The following LTV1 variants were observed in gnomAD, a reference collection of about 807,000 sequenced individuals.
LTV1 encodes protein LTV1 homolog.
In LTV1, 39 loss-of-function variants were observed where a neutral mutation model predicts 59.9. The ratio of observed to expected loss-of-function variants is 0.65; its 90% CI spans 0.50 to 0.85. The LOEUF (loss-of-function observed/expected upper bound fraction) is 0.85, where lower values mean the gene tolerates loss of function less well. Among genes scored for constraint, LTV1 ranks in the 40% least tolerant of loss-of-function variants. The pLI is 0.00. For missense variants in LTV1, 493 were observed against 549.1 expected, an observed-to-expected ratio of 0.90 and a Z score of 1.02; for synonymous variants, 171 against 189.5, an observed-to-expected ratio of 0.90 and a Z score of 0.80.
chr6:143,843,525 G>C, intron 1 of LTV1, 45 bp downstream of exon 1: 9 of 1,612,682 alleles, frequency 5.6e-6, no homozygotes, highest in Non-Finnish European at 7.6e-6. Flanking sequence ...CTGTGGTTTT[G>C]CAGAGGCCAG....
intron 4 of LTV1, among the ~76,000 whole-genome samples, chr6:143,854,888 A>G (rs967622706): frequency 6.6e-6 from 1 of 152,156 alleles, no homozygotes; most frequent in Non-Finnish European, 1.5e-5. Context: ...TTTTAGGATA[A>G]GTGCAATGTG....
Position 143,862,143 on chromosome 6 carries a change from A to G in LTV1, c.963A>G (p.Gln321=). The change falls in exon 8 of 11, where the codon CAA becomes CAG. Residue 321 remains glutamine (Q), a synonymous_variant. Coordinates refer to ENST00000367576, the MANE Select transcript of LTV1 (RefSeq NM_032860.5). This position sits in a 1 kb window ranked among gnomAD's most constrained non-coding sequence, Gnocchi z 4.2. ...ATACCCTTGAACCCTTGGAGGATCA[A>G]GACCTGCCAATGAATGAGCTTGATG... ...KLNTLEPLED[Q]DLPMNELDES... The G allele has an allele frequency of 6.2e-7, 1 of 1,614,148 alleles. No homozygotes were observed. The highest frequency in any genetic ancestry group is 8.5e-7 in the Non-Finnish European group (1 of 1,179,978).
At chr6:143,850,488 A>C (rs2128491256) in intron 4 of LTV1, among the ~76,000 whole-genome samples, 1 of 152,346 alleles carries the variant, frequency 6.6e-6, no homozygotes, top group African/African-American at 2.4e-5. Flanking sequence ...TAACCTTCAC[A>C]TAACCTCTTG....
rs1299348246 is a variant in LTV1, at chr6:143,855,177, A to C, written c.398-2126A>C. Among the ~76,000 whole-genome samples, 2 of 151,986 alleles carry C rather than the reference A, an allele frequency of 1.3e-5. No homozygotes were observed. Among genetic ancestry groups the C allele is most frequent in the African/African-American group, 4.8e-5 (2 of 41,362 alleles). On this transcript the variant is annotated intron_variant, in intron 4 of 10. Coordinates refer to ENST00000367576, the MANE Select transcript of LTV1 (RefSeq NM_032860.5). This position sits in a 1 kb window ranked among gnomAD's most constrained non-coding sequence, Gnocchi z 4.6. The stretch of plus-strand genomic sequence containing the variant: ...TAGGGTAGTTAGCTCTTCTTGTTGC[A>C]TTGTTCCCTTTACTATTATGTAATG...
intron 3 of LTV1, among the ~76,000 whole-genome samples, chr6:143,849,476 T>C (rs1014673381): frequency 6.6e-6 from 1 of 152,220 alleles, no homozygotes; most frequent in Non-Finnish European, 1.5e-5. Context: ...ATTTAAACTT[T>C]CCTAGTTTTT....
At chr6:143,856,587 CATT>C (rs1406054273) in intron 4 of LTV1, among the ~76,000 whole-genome samples, 4 of 152,258 alleles carry the variant, frequency 2.6e-5, no homozygotes, top group Non-Finnish European at 5.9e-5. Context: ...TACCTTTGGT[CATT>C]GTTGTTGGTG....
chr6:143,856,296 G>T (rs1777076170), intron 4 of LTV1, among the ~76,000 whole-genome samples: 1 of 152,136 alleles, frequency 6.6e-6, no homozygotes, highest in Non-Finnish European at 1.5e-5. Context: ...GGTCATTTAT[G>T]TTCTTCTCTA....
At chr6:143,859,811 A>G (rs1223479753) in intron 6 of LTV1, among the ~76,000 whole-genome samples, 1 of 152,224 alleles carries the variant, frequency 6.6e-6, no homozygotes, top group Non-Finnish European at 1.5e-5. Flanking sequence ...AGGAATATGA[A>G]AATATCTTTA....
In LTV1 at chr6:143,857,586, G is replaced by A; in HGVS notation, c.539+142G>A. 1.8e-6 allele frequency: 2 copies of A among 1,089,726 alleles called. No individual in the cohort carries two copies. The highest frequency in any genetic ancestry group is 4.8e-5 in the East Asian group (2 of 41,998). 67.5% of individuals were successfully genotyped at this position (1,089,726 alleles called of 1,614,324 possible). A position where few individuals can be genotyped will look rare whatever the true frequency, so the allele number is the denominator to read the frequency against. The stretch of plus-strand genomic sequence containing the variant: ...TTCTGTATTTTAGAGCAGAAAATGT[G>A]AGATTCATTGCTTTTCCTACCAAAC... On this transcript the variant is annotated intron_variant, in intron 5 of 10. Coordinates refer to ENST00000367576, the MANE Select transcript of LTV1 (RefSeq NM_032860.5). The surrounding 1 kb of genome is among the most constrained non-coding windows in gnomAD (Gnocchi z 5.2).
Position 143,862,034 on chromosome 6 carries a change from TAGTG to T in LTV1, c.924-68_924-65del. On this transcript the variant is annotated intron_variant, in intron 7 of 10. Transcript: ENST00000367576. The surrounding 1 kb of genome is among the most constrained non-coding windows in gnomAD (Gnocchi z 4.2). ...TTTCCACAGCTAAAAATTGCAGTTT[TAGTG>T]ACATAGTATAATAATAGGTCATTTT... The T allele has an allele frequency of 6.7e-7, 1 of 1,490,212 alleles. No individual in the cohort carries two copies. The highest frequency in any genetic ancestry group is 2.1e-5 in the Admixed American group (1 of 47,424). 92.3% of individuals were successfully genotyped at this position (1,490,212 alleles called of 1,614,324 possible). A position where few individuals can be genotyped will look rare whatever the true frequency, so the allele number is the denominator to read the frequency against.
In LTV1 at chr6:143,862,824, A is replaced by C. The variant is rs755528838; in HGVS notation, c.1064-20A>C. On this transcript the variant is annotated intron_variant, in intron 8 of 10. Transcript: ENST00000367576. The surrounding 1 kb of genome is among the most constrained non-coding windows in gnomAD (Gnocchi z 4.2). ...CTGAAAACATGCTTACTGATACATG[A>C]CTTTTATTTGTTTGTTTAGGTACAT... The C allele has an allele frequency of 1.4e-6, 2 of 1,445,254 alleles. No individual in the cohort carries two copies. Among genetic ancestry groups the C allele is most frequent in the Non-Finnish European group, 1.9e-6 (2 of 1,026,662 alleles). The allele number at this position is 1,445,254 out of a possible 1,614,324, so 89.5% of individuals were successfully genotyped here.
chr6:143,863,117 G>T lies in LTV1; in HGVS notation c.1148G>T (p.Gly383Val). 2 of 1,613,788 alleles carry T rather than the reference G, an allele frequency of 1.2e-6. No individual in the cohort carries two copies. The highest frequency in any genetic ancestry group is 1.7e-6 in the Non-Finnish European group (2 of 1,179,868). The change falls in exon 10 of 11, where the codon GGA becomes GTA. Residue 383 changes from glycine to valine, a missense_variant. Gly to Val is a moderately radical substitution (Grantham distance 109). Transcript: ENST00000367576. The surrounding 1 kb of genome is among the most constrained non-coding windows in gnomAD (Gnocchi z 4.5). ...CAAATTCGAATATCTTCTAAAACAG[G>T]AATACCTCTCAATGTCTTACCAAAG... ...PKQIRISSKT[G>V]IPLNVLPKKG...
chr6:143,851,293 T>TC (rs1776979894), intron 4 of LTV1, among the ~76,000 whole-genome samples: 1 of 152,186 alleles, frequency 6.6e-6, no homozygotes, highest in South Asian at 2.1e-4. Flanking sequence ...CAGGGCTAAG[T>TC]CCTAAGCAGT....
chr6:143,857,615 AT>A lies in LTV1; in HGVS notation c.540-135del. 8.9e-7 allele frequency: 1 copy of A among 1,121,618 alleles called. No individual in the cohort carries two copies. Among genetic ancestry groups the A allele is most frequent in the Non-Finnish European group, 1.3e-6 (1 of 769,476 alleles). The allele number at this position is 1,121,618 out of a possible 1,614,324, so 69.5% of individuals were successfully genotyped here. ...TTCATTGCTTTTCCTACCAAACCAG[AT>A]TGATCAAACACCCTCACTCTTCCTG... On this transcript the variant is annotated intron_variant, in intron 5 of 10. Transcript: ENST00000367576. This position sits in a 1 kb window ranked among gnomAD's most constrained non-coding sequence, Gnocchi z 5.2.
Position 143,863,068 on chromosome 6 carries a change from A to C in LTV1, c.1117-18A>C. On this transcript the variant is annotated intron_variant, in intron 9 of 10. Transcript: ENST00000367576. The surrounding 1 kb of genome is among the most constrained non-coding windows in gnomAD (Gnocchi z 4.5). ...AGGAATGAGAAGTAACTCTAGTACC[A>C]TTTTATCTGTATTTCAGCCCAAACA... is the stretch of plus-strand genomic sequence containing the variant. 6.2e-7 allele frequency: 1 copy of C among 1,601,348 alleles called. No individual in the cohort carries two copies. The highest frequency in any genetic ancestry group is 8.6e-7 in the Non-Finnish European group (1 of 1,168,740).
rs1582942753 is a variant in LTV1, at chr6:143,860,411, C to T, written c.796-15C>T. ...ATTTGCTTTTCATGGTATCTTTTCT[C>T]TGTTTATATTCAAGTTTTATGAGCA... On this transcript the variant is annotated splice_polypyrimidine_tract_variant and intron_variant, in intron 6 of 10. Transcript: ENST00000367576. 1.9e-6 allele frequency: 3 copies of T among 1,608,752 alleles called. No individual in the cohort carries two copies. The highest frequency in any genetic ancestry group is 1.1e-5 in the South Asian group (1 of 89,716).
At chr6:143,843,617 G>A in intron 1 of LTV1, 137 bp downstream of exon 1, 1 of 1,099,444 alleles carries the variant, frequency 9.1e-7, no homozygotes, top group Non-Finnish European at 1.3e-6. Flanking sequence ...ACCCCGAAAT[G>A]GGCCAACGTC....
At chr6:143,849,114 C>T (rs1412691948) in intron 3 of LTV1, among the ~76,000 whole-genome samples, 2 of 152,116 alleles carry the variant, frequency 1.3e-5, no homozygotes, top group South Asian at 2.1e-4. Flanking sequence ...AGCTTAATCT[C>T]GCCATGGGTA....
chr6:143,853,204 T>C (rs1777015773), intron 4 of LTV1, among the ~76,000 whole-genome samples: 1 of 152,204 alleles, frequency 6.6e-6, no homozygotes, highest in African/African-American at 2.4e-5. Context: ...GTTGGATTCC[T>C]AGGTATTTTA....
Sources: gnomAD v4.1 joint callset for allele counts (sites outside exome capture counted in the v4.1 genomes callset) on GRCh38, gnomAD v4.1.1 for gene constraint, Gnocchi (gnomAD v3.1) non-coding constraint, MANE v1.5 for transcripts, NCBI Gene and HGNC (gene_info 2026-07-23, HGNC 2026-07-21) for gene names.